The following KCNIP4 variants were observed in gnomAD, a reference collection of about 807,000 sequenced individuals.
The protein encoded by KCNIP4 is potassium voltage-gated channel interacting protein 4.
A neutral mutation model predicts 34.0 loss-of-function variants in KCNIP4; 12 were observed. That is an observed-to-expected ratio of 0.35 (90% CI 0.23 to 0.57). The LOEUF (loss-of-function observed/expected upper bound fraction) is 0.57, where lower values mean the gene tolerates loss of function less well. KCNIP4 is among the 20% of genes least tolerant of loss of function. The probability of loss-of-function intolerance (pLI) is 0.83; values close to 1 mark genes in which losing one functional copy is unlikely to be tolerated. For synonymous variants in KCNIP4, 124 were observed against 102.2 expected (o/e 1.21, Z -1.29); for missense variants, 238 against 311.7 (o/e 0.76, Z 1.78).
intron 1 of KCNIP4, among the ~76,000 whole-genome samples, chr4:21,448,362 A>G (rs1200091793): frequency 6.6e-6 from 1 of 152,146 alleles, no homozygotes; most frequent in African/African-American, 2.4e-5. Context: ...AATGAGAAAC[A>G]TGTTACTGGA....
intron 1 of KCNIP4, among the ~76,000 whole-genome samples, chr4:21,714,086 T>C (rs534061868): frequency 4.6e-5 from 7 of 152,316 alleles, no homozygotes; most frequent in African/African-American, 1.7e-4. Flanking sequence ...ACCTAAGGAA[T>C]AAGTTTAATA....
At chr4:20,833,430 C>T (rs1029225487) in intron 3 of KCNIP4, among the ~76,000 whole-genome samples, 6 of 151,958 alleles carry the variant, frequency 3.9e-5, no homozygotes, top group South Asian at 2.1e-4. Context: ...GATTGCAGTG[C>T]GCCGACATTG....
chr4:21,477,008 G>C (rs1731036307), intron 1 of KCNIP4, among the ~76,000 whole-genome samples: 1 of 152,146 alleles, frequency 6.6e-6, no homozygotes, highest in South Asian at 2.1e-4. Flanking sequence ...ACCTTAAGGA[G>C]TGTCCTAAGA....
At chr4:20,843,400 A>T (rs762456234) in intron 3 of KCNIP4, among the ~76,000 whole-genome samples, 4 of 152,192 alleles carry the variant, frequency 2.6e-5, no homozygotes, top group Non-Finnish European at 5.9e-5. Context: ...CCTCTGTATG[A>T]TTTCAAATGT....
intron 1 of KCNIP4, among the ~76,000 whole-genome samples, chr4:21,726,818 C>T (rs115929119): frequency 0.029 from 4,338 of 152,204 alleles, 187 homozygotes; most frequent in African/African-American, 0.098. Flanking sequence ...TATATGGCTT[C>T]AATCGATGGA....
intron 3 of KCNIP4, among the ~76,000 whole-genome samples, chr4:20,801,074 A>G (rs993346824): frequency 1.2e-4 from 19 of 152,214 alleles, no homozygotes; most frequent in Admixed American, 6.5e-4. Context: ...CCATTAGAAT[A>G]TATCAGTAGA....
chr4:21,356,470 T>C (rs1718610875), intron 1 of KCNIP4, among the ~76,000 whole-genome samples: 1 of 152,128 alleles, frequency 6.6e-6, no homozygotes, highest in African/African-American at 2.4e-5. Flanking sequence ...CAGTAAAATC[T>C]CAAGATACAA....
chr4:20,962,885 A>G (rs78375826), intron 1 of KCNIP4, among the ~76,000 whole-genome samples: 2,907 of 152,344 alleles, frequency 0.019, 96 homozygotes, highest in African/African-American at 0.067. Context: ...AGTTTGGCTT[A>G]CCATAAAGTA....
At chr4:21,542,440 A>C (rs1034971872) in intron 1 of KCNIP4, among the ~76,000 whole-genome samples, 1 of 152,188 alleles carries the variant, frequency 6.6e-6, no homozygotes, top group Non-Finnish European at 1.5e-5. Flanking sequence ...GAAAGCTCAA[A>C]TATATCATTT....
At chr4:21,718,139 TA>T (rs61279913) in intron 1 of KCNIP4, among the ~76,000 whole-genome samples, 27,021 of 152,174 alleles carry the variant, frequency 0.18, 3,482 homozygotes, top group African/African-American at 0.37. Context: ...TCATTTGCAG[TA>T]ATGATTTTGA....
intron 1 of KCNIP4, among the ~76,000 whole-genome samples, chr4:20,910,101 C>A (rs751866171): frequency 1.4e-4 from 22 of 152,170 alleles, no homozygotes; most frequent in Non-Finnish European, 2.9e-4. Flanking sequence ...CCACTGGGAT[C>A]CAGACCTGAT....
At chr4:21,823,346 T>A (rs918461247) in intron 1 of KCNIP4, among the ~76,000 whole-genome samples, 2 of 152,060 alleles carry the variant, frequency 1.3e-5, no homozygotes, top group African/African-American at 4.8e-5. Flanking sequence ...TGTTATATGG[T>A]TAAACCAGAG....
At chr4:21,406,036 T>C (rs1723957910) in intron 1 of KCNIP4, among the ~76,000 whole-genome samples, 1 of 152,138 alleles carries the variant, frequency 6.6e-6, no homozygotes, top group Non-Finnish European at 1.5e-5. Context: ...GGTTTCTCCA[T>C]GTTGGTCAGG....
intron 1 of KCNIP4, among the ~76,000 whole-genome samples, chr4:21,129,936 A>G (rs1285509620): frequency 6.6e-6 from 1 of 151,956 alleles, no homozygotes; most frequent in Non-Finnish European, 1.5e-5. Context: ...TATATCACTG[A>G]CTCAAAGACT....
At chr4:21,177,570 T>A (rs1470202808) in intron 1 of KCNIP4, among the ~76,000 whole-genome samples, 1 of 151,960 alleles carries the variant, frequency 6.6e-6, no homozygotes, top group African/African-American at 2.4e-5. Flanking sequence ...CTCACACCTG[T>A]AGGGGTCGCA....
intron 1 of KCNIP4, among the ~76,000 whole-genome samples, chr4:21,940,046 A>G (rs1730116176): frequency 6.6e-6 from 1 of 152,202 alleles, no homozygotes; most frequent in South Asian, 2.1e-4. Context: ...ATCTTTAAAC[A>G]GAAGTTATAG....
At chr4:20,842,601 A>T (rs1299925798) in intron 3 of KCNIP4, among the ~76,000 whole-genome samples, 1 of 150,414 alleles carries the variant, frequency 6.6e-6, no homozygotes, top group Non-Finnish European at 1.5e-5. Flanking sequence ...AAAAAAAAAA[A>T]AAAAAAAAAG....
In KCNIP4 at chr4:21,200,382, GTATA is replaced by G. The variant is rs61298746; in HGVS notation, c.62-317677_62-317674del. 9.2e-5 allele frequency among the ~76,000 whole-genome samples: 5 copies of G among 54,554 alleles called. No homozygotes were observed. The East Asian group carries it at 1.9e-3, about 21-fold the overall frequency. The allele number at this position is 54,554 out of a possible 152,430, so 35.8% of individuals were successfully genotyped here. On this transcript the variant is annotated intron_variant, in intron 1 of 8. Transcript: ENST00000382152. ...TATATATATACATACATATATGTGT[GTATA>G]TATATATATACATACATATATGTGT... is the stretch of plus-strand genomic sequence containing the variant.
At chr4:21,695,078 T>C (rs1712158095) in intron 1 of KCNIP4, among the ~76,000 whole-genome samples, 1 of 152,078 alleles carries the variant, frequency 6.6e-6, no homozygotes, top group Non-Finnish European at 1.5e-5. Context: ...ATATCCAACC[T>C]TAAAGGAAAT....
Sources: gnomAD v4.1 joint callset for allele counts (sites outside exome capture counted in the v4.1 genomes callset) on GRCh38, gnomAD v4.1.1 for gene constraint, MANE v1.5 for transcripts, NCBI Gene and HGNC (gene_info 2026-07-23, HGNC 2026-07-21) for gene names.